The following MAPK9 variants were observed in gnomAD, a reference collection of about 807,000 sequenced individuals.
The protein encoded by MAPK9 is mitogen-activated protein kinase 9, also known as Jun kinase.
MAPK9 carries 30 observed loss-of-function variants against 57.1 expected under a neutral mutation model. That is an observed-to-expected ratio of 0.53 (90% CI 0.39 to 0.71). MAPK9 has a LOEUF of 0.71. MAPK9 is among the 30% of genes least tolerant of loss of function. The pLI is 0.00. For synonymous variants in MAPK9, 155 were observed against 177.0 expected (o/e 0.88, Z 0.99); for missense variants, 362 against 521.0 (o/e 0.69, Z 2.97).
chr5:180,267,999 ACT>A (rs1380760171), intron 3 of MAPK9, among the ~76,000 whole-genome samples: 2 of 151,772 alleles, frequency 1.3e-5, no homozygotes, highest in Non-Finnish European at 2.9e-5. Context: ...AATTTTTTGT[ACT>A]TTTTAGTAGA....
intron 2 of MAPK9, among the ~76,000 whole-genome samples, chr5:180,273,672 A>G (rs1421773781): frequency 6.6e-6 from 1 of 152,252 alleles, no homozygotes; most frequent in East Asian, 1.9e-4. Context: ...TTTTGTGTAT[A>G]ATATGAGGTT....
At position 180,246,392 on chromosome 5, in the gene MAPK9, GAAAT is replaced by G. The variant is rs1446344886; in HGVS notation, c.688+1043_688+1046del. The G allele has an allele frequency of 3.9e-5, 6 of 152,052 alleles. No individual in the cohort carries two copies. The East Asian group carries it at 1.2e-3, about 29-fold the overall frequency. The allele number at this position is 152,052 out of a possible 1,614,324, so 9.4% of individuals were successfully genotyped here. On this transcript the variant is annotated intron_variant, in intron 7 of 11. Transcript: ENST00000452135. ...GTAAAGAAAGGTAAATAAAATGAGA[GAAAT>G]AAAAATATTTTCACTTTAAGTTTGC...
chr5:180,277,712 C>T lies in MAPK9; in HGVS notation c.122+2728G>A, dbSNP rs35879234. On this transcript the variant is annotated intron_variant, in intron 2 of 11. Coordinates refer to ENST00000452135, the MANE Select transcript of MAPK9 (RefSeq NM_002752.5). ...ACTACATAATGCCAATATTTTAATA[C>T]GAAATATGATAGAAAATCCAATTCC... Among the ~76,000 whole-genome samples the T allele has an allele frequency of 6.2e-3, 946 of 152,230 alleles. 22 individuals are homozygous for T. The highest frequency in any genetic ancestry group is 0.06 in the East Asian group (311 of 5,184).
chr5:180,259,286 C>T (rs918158278), intron 5 of MAPK9, among the ~76,000 whole-genome samples: 1 of 151,776 alleles, frequency 6.6e-6, no homozygotes, highest in African/African-American at 2.4e-5. Flanking sequence ...GAGAGGAACC[C>T]TTTGACTGTA....
At position 180,280,456 on chromosome 5, in the gene MAPK9, C is replaced by A; in HGVS notation, c.106G>T (p.Ala36Ser). 3.1e-6 allele frequency: 5 copies of A among 1,614,170 alleles called. No homozygotes were observed. The highest frequency in any genetic ancestry group is 4.2e-6 in the Non-Finnish European group (5 of 1,180,024). Residue 36 changes from alanine (A) to serine (S), a missense_variant, in exon 2 of 12, where the codon GCC becomes TCC. Ala to Ser is a moderately conservative substitution (Grantham distance 99, BLOSUM62 1). Transcript: ENST00000452135. ...YQQLKPIGSG[A>S]QGIVCAAFDT... The stretch of plus-strand genomic sequence containing the variant: ...CATACTTACCAAACAATCCCTTGGG[C>A]CCCAGAGCCAATTGGTTTCAGCTGC...
chr5:180,234,420 C>A lies in MAPK9; in HGVS notation c.*1964G>T, dbSNP rs1757037775. 6.6e-6 allele frequency: 1 copy of A among 152,250 alleles called. No homozygotes were observed. The highest frequency in any genetic ancestry group is 6.5e-5 in the Admixed American group (1 of 15,288). 9.4% of individuals were successfully genotyped at this position (152,250 alleles called of 1,614,324 possible). ...TGGAAGATGGCCTTTCCAGGAAACC[C>A]TCCACACCGTCACGGGCTCCATCTG... On this transcript the variant is annotated 3_prime_UTR_variant, in exon 12 of 12. Coordinates refer to ENST00000452135, the MANE Select transcript of MAPK9 (RefSeq NM_002752.5).
chr5:180,235,384 A>G lies in MAPK9; in HGVS notation c.*1000T>C, dbSNP rs1127575. 0.49 allele frequency: 74,613 copies of G among 152,036 alleles called. 18,686 individuals are homozygous for G. Among genetic ancestry groups the G allele is most frequent in the African/African-American group, 0.52 (21,443 of 41,444 alleles). The allele number at this position is 152,036 out of a possible 1,614,324, so 9.4% of individuals were successfully genotyped here. ...AGGGAAAGTGAATGAGGGAAGGTAA[A>G]TAAAGGACCCAGGCCAGTCTGTGGC... On this transcript the variant is annotated 3_prime_UTR_variant, in exon 12 of 12. Coordinates refer to ENST00000452135, the MANE Select transcript of MAPK9 (RefSeq NM_002752.5).
chr5:180,288,474 A>G (rs1365185671), intron 1 of MAPK9, among the ~76,000 whole-genome samples: 1 of 152,222 alleles, frequency 6.6e-6, no homozygotes, highest in African/African-American at 2.4e-5. Context: ...TTAAGCAATT[A>G]TTACTTTTTC....
Position 180,256,907 on chromosome 5 carries a change from A to T in MAPK9, c.450+4777T>A, listed in dbSNP as rs1170599849. 2.0e-5 allele frequency among the ~76,000 whole-genome samples: 3 copies of T among 152,222 alleles called. No homozygotes were observed. In the East Asian group the frequency reaches 5.8e-4, roughly 29 times the overall value. The stretch of plus-strand genomic sequence containing the variant: ...GACTAATAATCTGGGAAATTATTCT[A>T]AAGCATAAATAAAATGTATTTAAGA... On this transcript the variant is annotated intron_variant, in intron 5 of 11. Transcript: ENST00000452135.
chr5:180,283,922 C>T (rs7720684), intron 1 of MAPK9, among the ~76,000 whole-genome samples: 26,586 of 152,108 alleles, frequency 0.17, 2,980 homozygotes, highest in Non-Finnish European at 0.25. Context: ...AGCGAGACTC[C>T]ATCTCAAAAA....
At position 180,234,769 on chromosome 5, in the gene MAPK9, T is replaced by C. The variant is rs566435736; in HGVS notation, c.*1615A>G. On this transcript the variant is annotated 3_prime_UTR_variant, in exon 12 of 12. Coordinates refer to ENST00000452135, the MANE Select transcript of MAPK9 (RefSeq NM_002752.5). ...CACAATATAAAAGAACTATTTCTTA[T>C]TTCAATATTAATTTTGCTAATCAAA... 6.6e-6 allele frequency: 1 copy of C among 151,854 alleles called. No individual in the cohort carries two copies. Among genetic ancestry groups the C allele is most frequent in the South Asian group, 2.1e-4 (1 of 4,834 alleles). The allele number at this position is 151,854 out of a possible 1,614,324, so 9.4% of individuals were successfully genotyped here.
Position 180,233,672 on chromosome 5 carries a change from A to T in MAPK9, c.*2712T>A, listed in dbSNP as rs1035165322. 5 of 152,258 alleles carry T rather than the reference A, an allele frequency of 3.3e-5. No homozygotes were observed. The highest frequency in any genetic ancestry group is 1.2e-4 in the African/African-American group (5 of 41,458). The allele number at this position is 152,258 out of a possible 1,614,324, so 9.4% of individuals were successfully genotyped here. ...TATATTTTATTATAAAACATTAGCA[A>T]TGTTACTTTTGAGATATGCAATCTG... On this transcript the variant is annotated 3_prime_UTR_variant, in exon 12 of 12. Coordinates refer to ENST00000452135, the MANE Select transcript of MAPK9 (RefSeq NM_002752.5).
intron 1 of MAPK9, among the ~76,000 whole-genome samples, chr5:180,289,607 C>T (rs866241127): frequency 2.6e-5 from 4 of 152,090 alleles, no homozygotes; most frequent in Non-Finnish European, 5.9e-5. Flanking sequence ...CCTGAGCTTC[C>T]GTTTCCACAG....
chr5:180,269,245 T>G, intron 3 of MAPK9, 35 bp downstream of exon 3: 1 of 1,599,018 alleles, frequency 6.3e-7, no homozygotes, highest in Admixed American at 1.7e-5. Context: ...ATTGACAATA[T>G]GGAAGCACAC....
At chr5:180,262,504 T>C (rs369449732) in intron 4 of MAPK9, among the ~76,000 whole-genome samples, 2 of 151,764 alleles carry the variant, frequency 1.3e-5, no homozygotes, top group Non-Finnish European at 2.9e-5. Flanking sequence ...CTCGCCTCAC[T>C]GCAACCTCCA....
At position 180,242,066 on chromosome 5, in the gene MAPK9, C is replaced by T. The variant is rs34991403; in HGVS notation, c.871+507G>A. Among the ~76,000 whole-genome samples the T allele has an allele frequency of 8.1e-3, 1,239 of 152,212 alleles. 21 individuals are homozygous for T. The highest frequency in any genetic ancestry group is 0.056 in the South Asian group (271 of 4,824). On this transcript the variant is annotated intron_variant, in intron 8 of 11. Transcript: ENST00000452135. ...TAACTTAGTTAAATATAAGGCTCAC[C>T]TAGGTTTTGTCAATTAAAGTTCACA... is the stretch of plus-strand genomic sequence containing the variant.
At chr5:180,282,923 G>C (rs77890529) in intron 1 of MAPK9, among the ~76,000 whole-genome samples, 2,563 of 152,260 alleles carry the variant, frequency 0.017, 48 homozygotes, top group African/African-American at 0.034. Flanking sequence ...AGCAGAGGCG[G>C]AGGCACATTC....
At chr5:180,262,027 A>C (rs35067749) in intron 4 of MAPK9, among the ~76,000 whole-genome samples, 22,198 of 152,078 alleles carry the variant, frequency 0.15, 2,140 homozygotes, top group Non-Finnish European at 0.21. Context: ...AAAAAAAAAA[A>C]CAACAACCTT....
intron 1 of MAPK9, among the ~76,000 whole-genome samples, chr5:180,286,379 T>C (rs1016265317): frequency 1.3e-5 from 2 of 150,848 alleles, no homozygotes; most frequent in African/African-American, 4.9e-5. Flanking sequence ...CTCCTGACCT[T>C]ATGATCCGCC....
Sources: allele counts gnomAD v4.1 joint callset (sites outside exome capture counted in the v4.1 genomes callset), GRCh38; gene constraint gnomAD v4.1.1; transcripts MANE v1.5; gene names NCBI Gene and HGNC (gene_info 2026-07-23, HGNC 2026-07-21).